The following SLC44A1 variants were observed in gnomAD, a reference collection of about 807,000 sequenced individuals.
The protein encoded by SLC44A1 is choline transporter-like protein 1.
A neutral mutation model predicts 79.3 loss-of-function variants in SLC44A1; 26 were observed. That is an observed-to-expected ratio of 0.33 (90% CI 0.24 to 0.46). SLC44A1 has a LOEUF of 0.46. SLC44A1 is among the 20% of genes least tolerant of loss of function. The probability of loss-of-function intolerance (pLI) is 1.00; values close to 1 mark genes in which losing one functional copy is unlikely to be tolerated. For missense variants in SLC44A1, 688 were observed against 798.1 expected (o/e 0.86, Z 1.66); for synonymous variants, 263 against 286.2 (o/e 0.92, Z 0.82).
intron 5 of SLC44A1, among the ~76,000 whole-genome samples, chr9:105,354,073 C>T (rs1827540172): frequency 1.2e-5 from 1 of 85,384 alleles, no homozygotes; most frequent in African/African-American, 6.8e-5. Flanking sequence ...TTTTTTGAGA[C>T]GGAGTCTCTC....
At chr9:105,377,497 T>TC (rs1484475303) in intron 13 of SLC44A1, among the ~76,000 whole-genome samples, 1 of 151,866 alleles carries the variant, frequency 6.6e-6, no homozygotes, top group Non-Finnish European at 1.5e-5. Flanking sequence ...ATGCCTATAA[T>TC]CCCAGCACTT....
At chr9:105,275,673 T>C (rs1427580641) in intron 1 of SLC44A1, among the ~76,000 whole-genome samples, 1 of 152,218 alleles carries the variant, frequency 6.6e-6, no homozygotes, top group Non-Finnish European at 1.5e-5. Flanking sequence ...TCTCCTATTA[T>C]TTGATCTACA....
intron 2 of SLC44A1, among the ~76,000 whole-genome samples, 167 bp downstream of exon 2, chr9:105,299,476 A>C (rs910117136): frequency 6.6e-6 from 1 of 152,254 alleles, no homozygotes; most frequent in African/African-American, 2.4e-5. Flanking sequence ...GCTCAAATTA[A>C]GGAGCAGCTG....
At chr9:105,345,036 T>C (rs1156787340) in intron 4 of SLC44A1, among the ~76,000 whole-genome samples, 1 of 152,190 alleles carries the variant, frequency 6.6e-6, no homozygotes, top group Non-Finnish European at 1.5e-5. Context: ...TATGTTGAGA[T>C]GAGTCTGGAG....
At chr9:105,345,991 T>TA (rs1827235536) in intron 4 of SLC44A1, among the ~76,000 whole-genome samples, 1 of 139,144 alleles carries the variant, frequency 7.2e-6, no homozygotes. Context: ...ATACTTTCAC[T>TA]GAAAAAAAAA....
chr9:105,249,703 T>C (rs10991599), intron 1 of SLC44A1, among the ~76,000 whole-genome samples: 52,395 of 150,176 alleles, frequency 0.35, 11,439 homozygotes, highest in Non-Finnish European at 0.48. Context: ...TTTTTTTTTT[T>C]TTTGTATTTT....
intron 1 of SLC44A1, among the ~76,000 whole-genome samples, chr9:105,298,292 T>C (rs1830782385): frequency 6.6e-6 from 1 of 152,206 alleles, no homozygotes. Context: ...AACTGAATTT[T>C]TTTTTGACTT....
intron 1 of SLC44A1, among the ~76,000 whole-genome samples, chr9:105,249,523 TA>T (rs751727013): frequency 2.4e-4 from 34 of 143,402 alleles, no homozygotes; most frequent in Admixed American, 5.5e-4. Context: ...GTAGAAATGG[TA>T]ATTTTTTTTT....
chr9:105,248,107 C>T (rs1280119463), intron 1 of SLC44A1, among the ~76,000 whole-genome samples: 5 of 152,216 alleles, frequency 3.3e-5, no homozygotes, highest in African/African-American at 1.2e-4. Context: ...CACATGAAAA[C>T]AGTGTGCTTT....
intron 13 of SLC44A1, among the ~76,000 whole-genome samples, chr9:105,377,935 A>T (rs950012678): frequency 1.3e-5 from 2 of 151,892 alleles, no homozygotes; most frequent in Admixed American, 6.6e-5. Context: ...TTATATACTG[A>T]TCAATACATA....
intron 7 of SLC44A1, among the ~76,000 whole-genome samples, chr9:105,359,546 T>C (rs571099975): frequency 1.3e-5 from 2 of 152,318 alleles, no homozygotes; most frequent in South Asian, 4.1e-4. Flanking sequence ...ATAAAGGACT[T>C]AGCACAGTTC....
At position 105,289,336 on chromosome 9, in the gene SLC44A1, C is replaced by T. The variant is rs142622077; in HGVS notation, c.37-9884C>T. On this transcript the variant is annotated intron_variant, in intron 1 of 15. Coordinates refer to ENST00000374720, the MANE Select transcript of SLC44A1 (RefSeq NM_080546.5). ...CAACCATTTAGGGGAAGCTTCTGTA[C>T]ACATTGTTTTGCATGGAATAGGTTT... Among the ~76,000 whole-genome samples the T allele has an allele frequency of 7.9e-3, 1,197 of 152,304 alleles. 10 individuals carry two copies. Among genetic ancestry groups the T allele is most frequent in the Non-Finnish European group, 0.014 (919 of 68,022 alleles).
chr9:105,264,841 G>C (rs1829922869), intron 1 of SLC44A1, among the ~76,000 whole-genome samples: 1 of 150,778 alleles, frequency 6.6e-6, no homozygotes, highest in Non-Finnish European at 1.5e-5. Flanking sequence ...TTGTTGCCCA[G>C]GCTAGAGTGC....
At chr9:105,295,857 A>T (rs1803932247) in intron 1 of SLC44A1, among the ~76,000 whole-genome samples, 1 of 152,168 alleles carries the variant, frequency 6.6e-6, no homozygotes, top group Non-Finnish European at 1.5e-5. Context: ...TGAAATAGAG[A>T]CGATACCTAC....
At chr9:105,279,657 A>T (rs1400811423) in intron 1 of SLC44A1, among the ~76,000 whole-genome samples, 1 of 152,132 alleles carries the variant, frequency 6.6e-6, no homozygotes, top group Non-Finnish European at 1.5e-5. Flanking sequence ...TCTTAAACCA[A>T]CAAGTCAGTC....
intron 4 of SLC44A1, among the ~76,000 whole-genome samples, chr9:105,341,677 G>C (rs1306382019): frequency 6.6e-6 from 1 of 152,034 alleles, no homozygotes; most frequent in Non-Finnish European, 1.5e-5. Context: ...AATGTTTTTT[G>C]AAAGAATGAT....
intron 1 of SLC44A1, among the ~76,000 whole-genome samples, chr9:105,248,036 G>A (rs975884228): frequency 1.4e-4 from 21 of 152,132 alleles, no homozygotes; most frequent in African/African-American, 4.8e-4. Flanking sequence ...GTTTTAGTTG[G>A]AGCAGTGGCT....
chr9:105,380,791 T>G (rs1828438980), intron 13 of SLC44A1, among the ~76,000 whole-genome samples: 1 of 152,142 alleles, frequency 6.6e-6, no homozygotes, highest in Non-Finnish European at 1.5e-5. Context: ...GACATAGTCT[T>G]TATCAGCACC....
intron 12 of SLC44A1, among the ~76,000 whole-genome samples, chr9:105,369,640 C>T (rs886412101): frequency 6.6e-6 from 1 of 152,102 alleles, no homozygotes; most frequent in African/African-American, 2.4e-5. Flanking sequence ...TATACGAATC[C>T]ACACAGAACT....
Sources: gnomAD v4.1 joint callset for allele counts (sites outside exome capture counted in the v4.1 genomes callset) on GRCh38, gnomAD v4.1.1 for gene constraint, MANE v1.5 for transcripts, NCBI Gene and HGNC (gene_info 2026-07-23, HGNC 2026-07-21) for gene names.